Variants in ADAMTS2 observed in about 807,000 individuals in gnomAD.
The protein encoded by ADAMTS2 is ADAM metallopeptidase with thrombospondin type 1 motif 2, also known as A disintegrin and metalloproteinase with thrombospondin motifs 2.
A neutral mutation model predicts 123.0 loss-of-function variants in ADAMTS2; 50 were observed. The observed-to-expected ratio is 0.41, with a 90% CI of 0.32 to 0.51. ADAMTS2 has a LOEUF of 0.51. Among genes scored for constraint, ADAMTS2 ranks in the 20% least tolerant of loss-of-function variants. The pLI is 0.35. For missense variants in ADAMTS2, 1,494 were observed against 1,705.2 expected, an observed-to-expected ratio of 0.88 and a Z score of 2.18; for synonymous variants, 678 against 695.4, an observed-to-expected ratio of 0.98 and a Z score of 0.39.
chr5:179,152,345 T>G (rs936545374), intron 9 of ADAMTS2, 90 bp from the exon 10 acceptor site: 2 of 1,241,170 alleles, frequency 1.6e-6, no homozygotes, highest in Admixed American at 1.9e-5. Context: ...GAACCTGAGA[T>G]GCCCCAGTGG....
At position 179,129,752 on chromosome 5, in the gene ADAMTS2, G is replaced by A. The variant is rs73344607; in HGVS notation, c.2457+180C>T. 8.1e-3 allele frequency among the ~76,000 whole-genome samples: 1,229 copies of A among 152,314 alleles called. 15 individuals carry two copies. The highest frequency in any genetic ancestry group is 0.028 in the African/African-American group (1,162 of 41,568). ...CATGTGGGGTCCAGAGCCCCGGCTC[G>A]TGGATGCATGTCCCTTCCTGGCTCT... On this transcript the variant is annotated intron_variant, in intron 16 of 21. Transcript: ENST00000251582. This position sits in a 1 kb window ranked among gnomAD's most constrained non-coding sequence, Gnocchi z 4.1.
At chr5:179,126,582 T>G (rs897762396) in intron 17 of ADAMTS2, among the ~76,000 whole-genome samples, 2 of 152,180 alleles carry the variant, frequency 1.3e-5, no homozygotes, top group African/African-American at 4.8e-5. Context: ...GTCTGGGACA[T>G]GTTTGGTTGT....
At chr5:179,154,224 A>C (rs1193311694) in intron 7 of ADAMTS2, 32 bp from the exon 8 acceptor site, 1 of 1,538,932 alleles carries the variant, frequency 6.5e-7, no homozygotes, top group African/African-American at 1.4e-5. Context: ...GCTGAATCCC[A>C]CTGGCACACG....
intron 2 of ADAMTS2, among the ~76,000 whole-genome samples, chr5:179,338,030 G>A (rs143537396): frequency 0.016 from 2,394 of 152,304 alleles, 66 homozygotes; most frequent in African/African-American, 0.053. Context: ...GGGAAGCCAC[G>A]GCGAGCCATT....
chr5:179,160,036 C>T (rs1011864426), intron 5 of ADAMTS2, among the ~76,000 whole-genome samples: 2 of 152,178 alleles, frequency 1.3e-5, no homozygotes, highest in African/African-American at 4.8e-5. Flanking sequence ...TGTTCTTTTC[C>T]CCTTTAAGGA....
At chr5:179,136,632 A>G (rs1763070963) in intron 12 of ADAMTS2, among the ~76,000 whole-genome samples, 1 of 143,502 alleles carries the variant, frequency 7.0e-6, no homozygotes, top group Non-Finnish European at 1.5e-5. Context: ...GCCACTGCAC[A>G]CTGCACTCCA....
chr5:179,284,052 C>T (rs891614344), intron 2 of ADAMTS2, among the ~76,000 whole-genome samples: 3 of 151,034 alleles, frequency 2.0e-5, no homozygotes, highest in Admixed American at 6.6e-5. Context: ...AAAATCCAAC[C>T]GGGCGCAGTG....
At chr5:179,264,162 C>T (rs147343081) in intron 3 of ADAMTS2, among the ~76,000 whole-genome samples, 239 of 152,284 alleles carry the variant, frequency 1.6e-3, no homozygotes, top group Non-Finnish European at 3.0e-3. Flanking sequence ...GTACCCAACG[C>T]CTCTCACCTG....
At chr5:179,212,001 G>A (rs1336606777) in intron 3 of ADAMTS2, among the ~76,000 whole-genome samples, 1 of 152,246 alleles carries the variant, frequency 6.6e-6, no homozygotes, top group Non-Finnish European at 1.5e-5. Context: ...GGAGGAGTGG[G>A]CACGCGCCCA....
At chr5:179,147,555 C>T (rs987541088) in intron 10 of ADAMTS2, among the ~76,000 whole-genome samples, 2 of 152,206 alleles carry the variant, frequency 1.3e-5, no homozygotes, top group Admixed American at 6.5e-5. Flanking sequence ...CGCTGAGGCA[C>T]CTTTTTCTGC....
chr5:179,165,661 T>C (rs1024850492), intron 5 of ADAMTS2, among the ~76,000 whole-genome samples: 1 of 152,160 alleles, frequency 6.6e-6, no homozygotes, highest in East Asian at 1.9e-4. Context: ...GGGCGGTAGA[T>C]GGTGCTGTAT....
chr5:179,194,110 C>A (rs887801815), intron 4 of ADAMTS2, among the ~76,000 whole-genome samples: 2 of 152,184 alleles, frequency 1.3e-5, no homozygotes, highest in African/African-American at 2.4e-5. Context: ...CAGTTCCCCG[C>A]GGGAGGCCAA....
At chr5:179,164,423 C>T (rs1006507534) in intron 5 of ADAMTS2, among the ~76,000 whole-genome samples, 14 of 152,126 alleles carry the variant, frequency 9.2e-5, no homozygotes, top group African/African-American at 3.1e-4. Context: ...GCTGGTGCCA[C>T]GTCAGGAGGG....
intron 2 of ADAMTS2, among the ~76,000 whole-genome samples, chr5:179,324,881 C>G (rs1722923093): frequency 6.6e-6 from 1 of 151,504 alleles, no homozygotes. Flanking sequence ...GTTGGCCAGG[C>G]CTATGGGGTT....
At position 179,181,096 on chromosome 5, in the gene ADAMTS2, C is replaced by T; in HGVS notation, c.951G>A (p.Arg317=). The T allele has an allele frequency of 6.2e-7, 1 of 1,613,918 alleles. No homozygotes were observed. Among genetic ancestry groups the T allele is most frequent in the Non-Finnish European group, 8.5e-7 (1 of 1,179,952 alleles). The change falls in exon 5 of 22, where the codon CGG becomes CGA. Residue 317 remains arginine, a synonymous_variant. Transcript: ENST00000251582. The surrounding 1 kb of genome is among the most constrained non-coding windows in gnomAD (Gnocchi z 4.1). ...CCTTTCCATAGCTCAGGAGGATGAT[C>T]CGCACCAGGACCACGTTGATGTGGG... ...LGAHINVVLV[R]IILLSYGKSM... is the part of the protein sequence containing the mutation.
chr5:179,302,689 AC>A (rs1561713036), intron 2 of ADAMTS2, among the ~76,000 whole-genome samples: 1 of 151,324 alleles, frequency 6.6e-6, no homozygotes, highest in Non-Finnish European at 1.5e-5. Flanking sequence ...ACAGAGAGTG[AC>A]GCAGCCGTGA....
At chr5:179,251,530 G>GT (rs1177176692) in intron 3 of ADAMTS2, among the ~76,000 whole-genome samples, 3 of 152,036 alleles carry the variant, frequency 2.0e-5, no homozygotes, top group Non-Finnish European at 2.9e-5. Context: ...CACAAGAATT[G>GT]GCCTTCTGGG....
At chr5:179,336,627 T>C (rs1757620358) in intron 2 of ADAMTS2, among the ~76,000 whole-genome samples, 1 of 152,144 alleles carries the variant, frequency 6.6e-6, no homozygotes, top group African/African-American at 2.4e-5. Flanking sequence ...ACCTTAGAGC[T>C]AATGATATGC....
In ADAMTS2 at chr5:179,272,093, G is replaced by C. The variant is rs762146488; in HGVS notation, c.688+818C>G. On this transcript the variant is annotated intron_variant, in intron 3 of 21. Transcript: ENST00000251582. This position sits in a 1 kb window ranked among gnomAD's most constrained non-coding sequence, Gnocchi z 5.8. ...GCCAGGAGTCCCTGACCACACGGGG[G>C]ACCCTGAGAACTATGGGCCTGCAGA... Among the ~76,000 whole-genome samples the C allele has an allele frequency of 9.2e-5, 14 of 152,216 alleles. No individual in the cohort carries two copies. The highest frequency in any genetic ancestry group is 2.1e-4 in the Non-Finnish European group (14 of 68,030).
Sources: gnomAD v4.1 joint callset for allele counts (sites outside exome capture counted in the v4.1 genomes callset) on GRCh38, gnomAD v4.1.1 for gene constraint, Gnocchi (gnomAD v3.1) non-coding constraint, MANE v1.5 for transcripts, NCBI Gene and HGNC (gene_info 2026-07-23, HGNC 2026-07-21) for gene names.